ADGRB3: variants seen among roughly 807,000 people sequenced by gnomAD.
The protein encoded by ADGRB3 is adhesion G protein-coupled receptor B3, also known as brain-specific angiogenesis inhibitor 3.
Under a neutral mutation model 193.4 loss-of-function variants are expected in ADGRB3, and 37 were observed. The observed-to-expected ratio is 0.19, with a 90% confidence interval of 0.15 to 0.25. The LOEUF (loss-of-function observed/expected upper bound fraction) is 0.25, where lower values mean the gene tolerates loss of function less well. ADGRB3 is among the 10% of genes least tolerant of loss of function. The pLI, the probability that ADGRB3 is intolerant of heterozygous loss-of-function variation, is 1.00. For synonymous variants in ADGRB3, 690 were observed against 644.2 expected, an observed-to-expected ratio of 1.07 and a Z score of -1.08; for missense variants, 1,637 against 1,852.9, an observed-to-expected ratio of 0.88 and a Z score of 2.14.
intron 17 of ADGRB3, among the ~76,000 whole-genome samples, chr6:69,106,920 C>T (rs934633524): frequency 1.3e-5 from 2 of 152,118 alleles, no homozygotes; most frequent in African/African-American, 4.8e-5. Flanking sequence ...GCATGAAAAC[C>T]TGCCTAGTAG....
chr6:69,244,300 T>G (rs1479393463), intron 20 of ADGRB3, among the ~76,000 whole-genome samples: 1 of 152,084 alleles, frequency 6.6e-6, no homozygotes, highest in Non-Finnish European at 1.5e-5. Context: ...TAGAGAGAAT[T>G]AGAAAACATG....
chr6:69,132,582 C>A (rs1354538613), intron 17 of ADGRB3, among the ~76,000 whole-genome samples: 1 of 151,908 alleles, frequency 6.6e-6, no homozygotes, highest in Non-Finnish European at 1.5e-5. Flanking sequence ...GGCTGCCTGT[C>A]CACTCTAATG....
intron 17 of ADGRB3, among the ~76,000 whole-genome samples, chr6:69,100,968 A>G: frequency 1.9e-5 from 1 of 51,584 alleles, no homozygotes; most frequent in East Asian, 5.2e-4. Flanking sequence ...GGAGGGAGAA[A>G]GGGAAGGAAG....
At chr6:69,080,644 C>T (rs9454686) in intron 17 of ADGRB3, among the ~76,000 whole-genome samples, 39,010 of 148,370 alleles carry the variant, frequency 0.26, 5,365 homozygotes, top group African/African-American at 0.31. Context: ...GAAGCCTTTT[C>T]GTGAGCAGCA....
intron 4 of ADGRB3, among the ~76,000 whole-genome samples, chr6:68,935,687 G>T (rs961509004): frequency 6.6e-6 from 1 of 152,038 alleles, no homozygotes; most frequent in Admixed American, 6.6e-5. Context: ...AGTGTATTTC[G>T]TTGGTCATAG....
intron 17 of ADGRB3, among the ~76,000 whole-genome samples, chr6:69,078,421 G>A (rs766519409): frequency 4.6e-5 from 7 of 151,948 alleles, no homozygotes; most frequent in Middle Eastern, 3.4e-3. Flanking sequence ...ATACATTGAC[G>A]TGTATTCATT....
In ADGRB3 at chr6:69,047,760, A is replaced by G. The variant is rs187766993; in HGVS notation, c.2108-425A>G. 1.2e-3 allele frequency among the ~76,000 whole-genome samples: 187 copies of G among 152,294 alleles called. 1 individual carries two copies. Among genetic ancestry groups the G allele is most frequent in the African/African-American group, 4.4e-3 (184 of 41,570 alleles). ...TTCCAAAGACAATGTTCAAATGAAAATGCAGAAAATTTCTTCTTAAGACAA... is the reference window on the plus strand; with the variant it reads ...TTCCAAAGACAATGTTCAAATGAAAGTGCAGAAAATTTCTTCTTAAGACAA... On this transcript the variant is annotated intron_variant, in intron 13 of 31. Transcript: ENST00000370598.
At chr6:68,938,658 T>A (rs1293629293) in intron 5 of ADGRB3, among the ~76,000 whole-genome samples, 1 of 152,104 alleles carries the variant, frequency 6.6e-6, no homozygotes, top group African/African-American at 2.4e-5. Context: ...TAACTGTGAT[T>A]ACATATCATT....
chr6:68,798,558 A>G (rs1767255488), intron 3 of ADGRB3, among the ~76,000 whole-genome samples: 1 of 152,144 alleles, frequency 6.6e-6, no homozygotes, highest in African/African-American at 2.4e-5. Flanking sequence ...GACGAGGGAT[A>G]GCATTAGGAG....
At chr6:69,362,052 A>G (rs1769466578) in intron 29 of ADGRB3, among the ~76,000 whole-genome samples, 1 of 151,948 alleles carries the variant, frequency 6.6e-6, no homozygotes, top group African/African-American at 2.4e-5. Flanking sequence ...TATTATTCAG[A>G]GTAAATATTT....
intron 3 of ADGRB3, among the ~76,000 whole-genome samples, chr6:68,751,463 G>A (rs542633982): frequency 6.6e-6 from 1 of 152,026 alleles, no homozygotes; most frequent in Non-Finnish European, 1.5e-5. Flanking sequence ...TAAATAAAAT[G>A]AAATGAAATA....
intron 31 of ADGRB3, among the ~76,000 whole-genome samples, chr6:69,384,141 T>C (rs1770010702): frequency 6.6e-6 from 1 of 152,050 alleles, no homozygotes; most frequent in South Asian, 2.1e-4. Flanking sequence ...ATTTATAGCA[T>C]GGCTATGATC....
At chr6:68,807,596 T>A (rs1767431956) in intron 3 of ADGRB3, among the ~76,000 whole-genome samples, 1 of 152,084 alleles carries the variant, frequency 6.6e-6, no homozygotes, top group Non-Finnish European at 1.5e-5. Flanking sequence ...TGCTTGTCAC[T>A]TGATCATAAA....
At chr6:68,743,365 A>C (rs192833134) in intron 3 of ADGRB3, among the ~76,000 whole-genome samples, 1 of 150,382 alleles carries the variant, frequency 6.6e-6, no homozygotes, top group African/African-American at 2.5e-5. Flanking sequence ...GTGTGTGTGT[A>C]TATCCAGAAA....
intron 10 of ADGRB3, among the ~76,000 whole-genome samples, chr6:68,985,493 T>C (rs1769044122): frequency 6.6e-6 from 1 of 152,182 alleles, no homozygotes; most frequent in Non-Finnish European, 1.5e-5. Flanking sequence ...CTTCTGGGCA[T>C]ATGGGAGGAT....
At chr6:69,386,810 G>T (rs998229792) in intron 31 of ADGRB3, among the ~76,000 whole-genome samples, 1 of 152,026 alleles carries the variant, frequency 6.6e-6, no homozygotes, top group African/African-American at 2.4e-5. Flanking sequence ...TTCTCAGAAA[G>T]TTTTATGTGT....
chr6:69,029,812 G>A (rs1334914664), intron 13 of ADGRB3, among the ~76,000 whole-genome samples: 1 of 151,958 alleles, frequency 6.6e-6, no homozygotes, highest in Non-Finnish European at 1.5e-5. Context: ...TACAGGCCAA[G>A]AATTCTAGTT....
intron 3 of ADGRB3, among the ~76,000 whole-genome samples, chr6:68,857,023 C>A (rs1474343907): frequency 1.3e-5 from 2 of 152,106 alleles, no homozygotes; most frequent in Admixed American, 6.5e-5. Context: ...GTATTGGCAG[C>A]TTCCATGGGG....
At chr6:69,354,948 T>C (rs956241822) in intron 27 of ADGRB3, among the ~76,000 whole-genome samples, 1 of 152,222 alleles carries the variant, frequency 6.6e-6, no homozygotes, top group African/African-American at 2.4e-5. Flanking sequence ...AACTCTGTCA[T>C]TTAAAGCAGG....
Sources: gnomAD v4.1 joint callset for allele counts (sites outside exome capture counted in the v4.1 genomes callset) on GRCh38, gnomAD v4.1.1 for gene constraint, MANE v1.5 for transcripts, NCBI Gene and HGNC (gene_info 2026-07-23, HGNC 2026-07-21) for gene names.